The following SGPP2 variants were observed in gnomAD, a reference collection of about 807,000 sequenced individuals.
SGPP2 encodes sphingosine 1-phosphate phosphohydrolase 2.
In SGPP2, 30 loss-of-function variants were observed where a neutral mutation model predicts 33.9. The observed-to-expected ratio is 0.89, with a 90% confidence interval of 0.66 to 1.20. The LOEUF is 1.20. Ranked by LOEUF, SGPP2 falls within the 50% of genes most tolerant of loss-of-function variation. The pLI is 0.00. For synonymous variants in SGPP2, 233 were observed against 225.0 expected (o/e 1.04, Z -0.32); for missense variants, 458 against 532.1 (o/e 0.86, Z 1.37).
At chr2:222,485,917 G>A (rs1698099409) in intron 2 of SGPP2, among the ~76,000 whole-genome samples, 1 of 152,208 alleles carries the variant, frequency 6.6e-6, no homozygotes. Flanking sequence ...GGGATTTTCT[G>A]AAAGCTTGAG....
chr2:222,487,370 C>G (rs1333874189), intron 2 of SGPP2, among the ~76,000 whole-genome samples: 1 of 152,150 alleles, frequency 6.6e-6, no homozygotes, highest in African/African-American at 2.4e-5. Context: ...TGTAGTTCGG[C>G]CTTTACTAAT....
chr2:222,541,389 G>C (rs1347125290), intron 4 of SGPP2, among the ~76,000 whole-genome samples: 2 of 152,112 alleles, frequency 1.3e-5, no homozygotes, highest in African/African-American at 4.8e-5. Flanking sequence ...TTAATAAATG[G>C]AAGGACAGCA....
intron 4 of SGPP2, among the ~76,000 whole-genome samples, chr2:222,546,758 C>T (rs895329344): frequency 6.6e-6 from 1 of 150,426 alleles, no homozygotes; most frequent in African/African-American, 2.5e-5. Flanking sequence ...GAATATCACT[C>T]TAGGACTTTC....
chr2:222,506,991 G>A (rs1698454820), intron 2 of SGPP2, among the ~76,000 whole-genome samples: 1 of 152,108 alleles, frequency 6.6e-6, no homozygotes. Flanking sequence ...AGTGATCTGG[G>A]AGCACAGAGA....
At chr2:222,435,005 CACACACAT>C (rs1324891303) in intron 1 of SGPP2, among the ~76,000 whole-genome samples, 5 of 27,058 alleles carry the variant, frequency 1.8e-4, no homozygotes, top group African/African-American at 2.4e-4. Context: ...CACACACACA[CACACACAT>C]ATGTGTATAT....
At chr2:222,434,753 G>A (rs1697208876) in intron 1 of SGPP2, among the ~76,000 whole-genome samples, 1 of 152,056 alleles carries the variant, frequency 6.6e-6, no homozygotes, top group Non-Finnish European at 1.5e-5. Flanking sequence ...TGTGGGTGTG[G>A]TGGTGAATGC....
intron 4 of SGPP2, among the ~76,000 whole-genome samples, chr2:222,541,739 G>A (rs1442077647): frequency 3.3e-5 from 5 of 151,664 alleles, no homozygotes; most frequent in East Asian, 3.9e-4. Context: ...TCAGCCTCCC[G>A]AGTAGCTAGG....
chr2:222,485,642 G>T (rs571412491), intron 2 of SGPP2, among the ~76,000 whole-genome samples: 1 of 151,376 alleles, frequency 6.6e-6, no homozygotes, highest in South Asian at 2.1e-4. Flanking sequence ...TTTGACCTAA[G>T]GGGACTGGGT....
At chr2:222,524,095 A>C (rs559748099) in intron 3 of SGPP2, among the ~76,000 whole-genome samples, 1 of 152,340 alleles carries the variant, frequency 6.6e-6, no homozygotes, top group Non-Finnish European at 1.5e-5. Flanking sequence ...TTGAGGGGAA[A>C]GTGCCTTTAT....
chr2:222,527,509 T>A (rs963740495), intron 4 of SGPP2, among the ~76,000 whole-genome samples: 9 of 152,108 alleles, frequency 5.9e-5, no homozygotes, highest in African/African-American at 1.7e-4. Flanking sequence ...TCCCATGGGG[T>A]TTGAATATGC....
At chr2:222,458,714 A>G (rs1474700428) in intron 1 of SGPP2, among the ~76,000 whole-genome samples, 54 of 152,204 alleles carry the variant, frequency 3.5e-4, no homozygotes, top group Non-Finnish European at 4.4e-5. Flanking sequence ...TATTGTGACC[A>G]TCACCACAAT....
chr2:222,495,874 AC>A (rs1464228080), intron 2 of SGPP2, among the ~76,000 whole-genome samples: 1 of 151,940 alleles, frequency 6.6e-6, no homozygotes, highest in Non-Finnish European at 1.5e-5. Context: ...ACTTTGACCC[AC>A]CCTTACCACA....
intron 1 of SGPP2, chr2:222,452,901 C>G: frequency 1.2e-6 from 2 of 1,600,452 alleles, no homozygotes; most frequent in Non-Finnish European, 1.7e-6. Context: ...CTGTTTGTAG[C>G]TAAGGTTCAG....
At chr2:222,449,329 A>G (rs1297006985) in intron 1 of SGPP2, among the ~76,000 whole-genome samples, 2 of 152,192 alleles carry the variant, frequency 1.3e-5, no homozygotes, top group East Asian at 3.9e-4. Flanking sequence ...GGACACACAA[A>G]CACAAATTCA....
intron 2 of SGPP2, among the ~76,000 whole-genome samples, chr2:222,511,238 G>A (rs529470333): frequency 9.9e-5 from 15 of 152,270 alleles, no homozygotes; most frequent in African/African-American, 3.4e-4. Context: ...CATATTGACC[G>A]CATTGGTTCC....
intron 1 of SGPP2, chr2:222,453,117 C>CTAAATAT (rs1275041886): frequency 9.0e-6 from 5 of 552,502 alleles, no homozygotes; most frequent in Non-Finnish European, 1.6e-5. Context: ...CAGGACTATC[C>CTAAATAT]TCAGATCCAT....
At chr2:222,450,931 A>G (rs900613486) in intron 1 of SGPP2, among the ~76,000 whole-genome samples, 1 of 152,174 alleles carries the variant, frequency 6.6e-6, no homozygotes. Flanking sequence ...TATTTTCTGC[A>G]TCTTTTTTTT....
chr2:222,468,810 A>G (rs746944755), intron 1 of SGPP2, among the ~76,000 whole-genome samples: 2 of 152,218 alleles, frequency 1.3e-5, no homozygotes, highest in African/African-American at 4.8e-5. Context: ...TTATTTAAAC[A>G]TTGAAGGCAG....
At chr2:222,479,399 C>CTTTTTT (rs568165167) in intron 2 of SGPP2, among the ~76,000 whole-genome samples, 186 of 114,874 alleles carry the variant, frequency 1.6e-3, no homozygotes, top group African/African-American at 4.0e-3. Flanking sequence ...ATCTACCCTT[C>CTTTTTT]TTTTTTTTTT....
Sources: gnomAD v4.1 joint callset for allele counts (sites outside exome capture counted in the v4.1 genomes callset) on GRCh38, gnomAD v4.1.1 for gene constraint, MANE v1.5 for transcripts, NCBI Gene and HGNC (gene_info 2026-07-23, HGNC 2026-07-21) for gene names.